The following TP63 variants were observed in gnomAD, a reference collection of about 807,000 sequenced individuals.
TP63 encodes the protein tumor protein p63, also known as tumor protein 63.
Under a neutral mutation model 82.8 loss-of-function variants are expected in TP63, and 17 were observed. That is an observed-to-expected ratio of 0.21 (90% CI 0.14 to 0.31). TP63 has a LOEUF of 0.31. TP63 is among the 10% of genes least tolerant of loss of function. TP63 has a pLI of 1.00. For missense variants in TP63, 648 were observed against 895.3 expected, an observed-to-expected ratio of 0.72 and a Z score of 3.52; for synonymous variants, 330 against 321.7, an observed-to-expected ratio of 1.03 and a Z score of -0.28.
chr3:189,698,521 G>A (rs558462091), intron 1 of TP63, among the ~76,000 whole-genome samples: 1 of 152,188 alleles, frequency 6.6e-6, no homozygotes, highest in Non-Finnish European at 1.5e-5. Flanking sequence ...AAGCCAGAAT[G>A]CCTGTGTTAA....
chr3:189,734,160 C>T lies in TP63; in HGVS notation c.63-3580C>T, dbSNP rs1357086726. ...CCTCCCTCCCTCCGTCCCTCCCTCCCTCCCTCCCTTCTTTTTTTTTTTTTT... is the reference window on the plus strand; with the variant it reads ...CCTCCCTCCCTCCGTCCCTCCCTCCTTCCCTCCCTTCTTTTTTTTTTTTTT... On this transcript the variant is annotated intron_variant, in intron 1 of 13. Coordinates refer to ENST00000264731, the MANE Select transcript of TP63 (RefSeq NM_003722.5). Among the ~76,000 whole-genome samples, 73 of 120,132 alleles carry T rather than the reference C, an allele frequency of 6.1e-4. 1 individual carries two copies. Among genetic ancestry groups the T allele is most frequent in the African/African-American group, 2.4e-3 (72 of 29,462 alleles). The allele number at this position is 120,132 out of a possible 152,430, so 78.8% of individuals were successfully genotyped here.
chr3:189,656,647 A>C (rs1713396419), intron 1 of TP63, among the ~76,000 whole-genome samples: 1 of 152,130 alleles, frequency 6.6e-6, no homozygotes. Context: ...GGACAGAGAT[A>C]TTTTAAGGGT....
rs1718503301 is a variant in TP63, at chr3:189,872,183, A to AT, written c.1213-674dup. On this transcript the variant is annotated intron_variant, in intron 9 of 13. Coordinates refer to ENST00000264731, the MANE Select transcript of TP63 (RefSeq NM_003722.5). The stretch of plus-strand genomic sequence containing the variant: ...TTTATGAAGGTGTTGCAAAAATGGT[A>AT]TTGGTGGATATGAATCATCTCATCG... Among the ~76,000 whole-genome samples, 5 of 152,182 alleles carry AT rather than the reference A, an allele frequency of 3.3e-5. No individual in the cohort carries two copies. In the South Asian group the frequency reaches 1.0e-3, roughly 32 times the overall value.
intron 3 of TP63, among the ~76,000 whole-genome samples, chr3:189,770,607 G>A (rs2108555674): frequency 6.6e-6 from 1 of 152,078 alleles, no homozygotes; most frequent in East Asian, 1.9e-4. Context: ...GAAATTTGCA[G>A]CAAAGTTAAG....
intron 1 of TP63, among the ~76,000 whole-genome samples, chr3:189,653,005 A>G (rs1920270): frequency 0.91 from 130,834 of 143,348 alleles, 61,721 homozygotes; most frequent in East Asian, 1. Flanking sequence ...GTCTTTATTA[A>G]CAGTGTGATA....
intron 3 of TP63, among the ~76,000 whole-genome samples, chr3:189,774,683 C>G (rs1239039001): frequency 6.6e-6 from 1 of 152,050 alleles, no homozygotes; most frequent in Non-Finnish European, 1.5e-5. Context: ...TGTTGTTATC[C>G]CTATTTAATA....
At chr3:189,816,281 T>A (rs950942442) in intron 4 of TP63, among the ~76,000 whole-genome samples, 2 of 152,180 alleles carry the variant, frequency 1.3e-5, no homozygotes, top group Non-Finnish European at 1.5e-5. Context: ...TCAAAAGAGA[T>A]CCCTTAAAAT....
chr3:189,864,125 A>T, intron 4 of TP63, 107 bp from the exon 5 acceptor site: 2 of 1,408,426 alleles, frequency 1.4e-6, no homozygotes, highest in Non-Finnish European at 2.0e-6. Flanking sequence ...AACAGGCAGC[A>T]TGCAGCTCTA....
the TP63 span, among the ~76,000 whole-genome samples, chr3:189,601,582 T>C: frequency 2.0e-5 from 1 of 50,200 alleles, no homozygotes; most frequent in Admixed American, 1.5e-4. Context: ...TGGATTACTA[T>C]TTTTATCCTT....
rs139406203 is a variant in TP63 at position 189,823,291 on chromosome 3, T to C, written c.579+14765T>C. ...CTAAAAGGTAGGATGGGCCAGCCTATGTAGGGTAAGGCTTTTTAACTCTAT... is the reference window on the plus strand; with the variant it reads ...CTAAAAGGTAGGATGGGCCAGCCTACGTAGGGTAAGGCTTTTTAACTCTAT... On this transcript the variant is annotated intron_variant, in intron 4 of 13. Transcript: ENST00000264731. 7.5e-3 allele frequency among the ~76,000 whole-genome samples: 1,137 copies of C among 152,298 alleles called. 8 individuals carry two copies. The highest frequency in any genetic ancestry group is 0.014 in the Middle Eastern group (4 of 294).
intron 3 of TP63, among the ~76,000 whole-genome samples, chr3:189,752,333 C>G (rs542819459): frequency 6.6e-6 from 1 of 151,952 alleles, no homozygotes; most frequent in Non-Finnish European, 1.5e-5. Context: ...GCCACCATAC[C>G]CGGCTAACTT....
intron 1 of TP63, among the ~76,000 whole-genome samples, chr3:189,694,654 A>G (rs1265952739): frequency 2.0e-5 from 3 of 151,968 alleles, no homozygotes; most frequent in African/African-American, 7.3e-5. Context: ...CATACTATCA[A>G]CATGAATTTT....
At chr3:189,627,387 A>C (rs1729343377), upstream of TP63, among the ~76,000 whole-genome samples, 1 of 152,190 alleles carries the variant, frequency 6.6e-6, no homozygotes, top group Non-Finnish European at 1.5e-5. Context: ...GACAACATGA[A>C]TATATCTCAG....
chr3:189,853,731 C>T (rs1256534564), intron 4 of TP63, among the ~76,000 whole-genome samples: 1 of 152,158 alleles, frequency 6.6e-6, no homozygotes, highest in Non-Finnish European at 1.5e-5. Flanking sequence ...TTCTAGAATT[C>T]TAGCATTTTT....
intron 1 of TP63, among the ~76,000 whole-genome samples, chr3:189,642,559 T>G (rs760041853): frequency 6.6e-6 from 1 of 152,158 alleles, no homozygotes; most frequent in Non-Finnish European, 1.5e-5. Context: ...TTTTTTTTCA[T>G]GTATAAAGAA....
rs756188491 is a variant in TP63, at chr3:189,737,779, T to C, written c.102T>C (p.Ser34=). The C allele has an allele frequency of 1.9e-6, 3 of 1,614,020 alleles. No homozygotes were observed. Among genetic ancestry groups the C allele is most frequent in the East Asian group, 4.5e-5 (2 of 44,850 alleles). ...CAGCTCATTTCTCTTGGAAAGAAAG[T>C]TATTACCGATCCACCATGTCCCAGA... ...ETPAHFSWKE[S]YYRSTMSQST... is the part of the protein sequence containing the mutation. The change falls in exon 2 of 14, where the codon AGT becomes AGC. Residue 34 remains serine, a synonymous_variant. Transcript: ENST00000264731.
At chr3:189,873,033 G>T (rs371309176) in intron 10 of TP63, 38 bp downstream of exon 10, 49 of 1,613,918 alleles carry the variant, frequency 3.0e-5, no homozygotes, top group Non-Finnish European at 3.5e-5. Context: ...AGGCATGAGT[G>T]AGGGTGACTT....
At chr3:189,649,800 A>G (rs1341514793) in intron 1 of TP63, among the ~76,000 whole-genome samples, 1 of 146,924 alleles carries the variant, frequency 6.8e-6, no homozygotes, top group African/African-American at 2.5e-5. Context: ...GGAGTGTAAG[A>G]TCAGAGTGGC....
chr3:189,791,777 T>A (rs1725166777), intron 3 of TP63, among the ~76,000 whole-genome samples: 1 of 152,152 alleles, frequency 6.6e-6, no homozygotes, highest in African/African-American at 2.4e-5. Flanking sequence ...GGATTATGCT[T>A]TCATATCTAG....
Sources: gnomAD v4.1 joint callset for allele counts (sites outside exome capture counted in the v4.1 genomes callset) on GRCh38, gnomAD v4.1.1 for gene constraint, MANE v1.5 for transcripts, NCBI Gene and HGNC (gene_info 2026-07-23, HGNC 2026-07-21) for gene names.